Variants in SEPSECS observed in about 807,000 individuals in gnomAD.
SEPSECS encodes the protein Sep (O-phosphoserine) tRNA:Sec (selenocysteine) tRNA synthase, also known as O-phosphoseryl-tRNA(Sec) selenium transferase.
SEPSECS carries 42 observed loss-of-function variants against 52.1 expected under a neutral mutation model. That is an observed-to-expected ratio of 0.81 (90% CI 0.63 to 1.04). The LOEUF is 1.04. SEPSECS is among the 50% of genes least tolerant of loss of function. The pLI is 0.00. For synonymous variants in SEPSECS, 216 were observed against 211.4 expected (o/e 1.02, Z -0.19); for missense variants, 590 against 610.6 (o/e 0.97, Z 0.36).
chr4:25,154,950 T>C, intron 5 of SEPSECS, 48 bp downstream of exon 5: 1 of 1,578,738 alleles, frequency 6.3e-7, no homozygotes, highest in South Asian at 1.1e-5. Context: ...TATATTTTAT[T>C]TAAAAGACTG....
At chr4:25,125,356 G>A (rs55768841) in intron 10 of SEPSECS, 21,584 of 218,180 alleles carry the variant, frequency 0.099, 1,351 homozygotes, top group South Asian at 0.19. Flanking sequence ...TAGTGATGAA[G>A]ATGGCTTATC....
At chr4:25,143,827 T>TTAAGTGC (rs1711770022) in intron 8 of SEPSECS, among the ~76,000 whole-genome samples, 1 of 152,186 alleles carries the variant, frequency 6.6e-6, no homozygotes, top group Non-Finnish European at 1.5e-5. Context: ...ACAATTGTTG[T>TTAAGTGC]TAAGTGCTAG....
intron 8 of SEPSECS, among the ~76,000 whole-genome samples, chr4:25,134,716 ATAT>A (rs1728765270): frequency 6.6e-6 from 1 of 152,238 alleles, no homozygotes; most frequent in Non-Finnish European, 1.5e-5. Flanking sequence ...TAAATATGGC[ATAT>A]TATTATTTTT....
Position 25,151,483 on chromosome 4 carries a change from G to C in SEPSECS, c.804+477C>G, listed in dbSNP as rs12506518. On this transcript the variant is annotated intron_variant, in intron 6 of 10. Transcript: ENST00000382103. Reference sequence around the variant, plus strand: ...AAACAAAGACATATTTTCAAAATTAGAACCTAAAACAAATGACCAGGATCT... The same window carrying C: ...AAACAAAGACATATTTTCAAAATTACAACCTAAAACAAATGACCAGGATCT... Among the ~76,000 whole-genome samples, 1,727 of 152,050 alleles carry C rather than the reference G, an allele frequency of 0.011. 74 individuals are homozygous for C. The East Asian group carries it at 0.12, about 10-fold the overall frequency.
At chr4:25,150,318 T>C (rs1410229061) in intron 6 of SEPSECS, among the ~76,000 whole-genome samples, 1 of 152,328 alleles carries the variant, frequency 6.6e-6, no homozygotes, top group East Asian at 1.9e-4. Flanking sequence ...ATGTAGTCCA[T>C]ACCATACATG....
At chr4:25,126,391 G>GA (rs1728372473) in intron 9 of SEPSECS, among the ~76,000 whole-genome samples, 1 of 152,074 alleles carries the variant, frequency 6.6e-6, no homozygotes, top group Non-Finnish European at 1.5e-5. Context: ...CATCTACATA[G>GA]ATCATAAATC....
upstream of SEPSECS, chr4:25,160,466 G>A: frequency 6.1e-6 from 6 of 987,628 alleles, no homozygotes; most frequent in South Asian, 9.1e-5. Flanking sequence ...TGGACGGTAC[G>A]GCAGCGCCTT....
At chr4:25,150,492 A>G (rs138452626) in intron 6 of SEPSECS, among the ~76,000 whole-genome samples, 54 of 152,328 alleles carry the variant, frequency 3.5e-4, no homozygotes, top group Non-Finnish European at 4.3e-4. Context: ...AACAAACATT[A>G]TATCAAATGG....
chr4:25,152,478 T>C lies in SEPSECS; in HGVS notation c.702-416A>G, dbSNP rs972101127. ...CAAAATAATTAGCATATCTGGAATC[T>C]TAAGAAATCTCACATTAAACATCTC... On this transcript the variant is annotated intron_variant, in intron 5 of 10. Transcript: ENST00000382103. Among the ~76,000 whole-genome samples, 10 of 151,992 alleles carry C rather than the reference T, an allele frequency of 6.6e-5. No homozygotes were observed. The South Asian group carries it at 1.2e-3, about 19-fold the overall frequency.
intron 8 of SEPSECS, among the ~76,000 whole-genome samples, chr4:25,141,668 G>A (rs1412281416): frequency 6.6e-6 from 1 of 152,166 alleles, no homozygotes; most frequent in Admixed American, 6.6e-5. Context: ...TATTATCAAT[G>A]TGAGCATTCA....
At chr4:25,139,386 T>TC (rs1728968767) in intron 8 of SEPSECS, among the ~76,000 whole-genome samples, 1 of 138,898 alleles carries the variant, frequency 7.2e-6, no homozygotes, top group Non-Finnish European at 1.6e-5. Flanking sequence ...AGTTGTGTCT[T>TC]TTTTTTTTTT....
rs547017555 is a variant in SEPSECS at position 25,146,051 on chromosome 4, T to C, written c.805-918A>G. Among the ~76,000 whole-genome samples the C allele has an allele frequency of 5.3e-5, 8 of 152,312 alleles. No homozygotes were observed. The South Asian group carries it at 1.7e-3, about 32-fold the overall frequency. The stretch of plus-strand genomic sequence containing the variant: ...TACCTACTAGAAATGTAAAACTAAG[T>C]TCGGTCCTCATCCAACTTTCTGTCT... On this transcript the variant is annotated intron_variant, in intron 6 of 10. Transcript: ENST00000382103.
At position 25,124,243 on chromosome 4, in the gene SEPSECS, T is replaced by C; in HGVS notation, c.1212-18A>G. On this transcript the variant is annotated intron_variant, in intron 10 of 10. Coordinates refer to ENST00000382103, the MANE Select transcript of SEPSECS (RefSeq NM_016955.4). ...GCACAACCCTGAAAGAAGAAAGATT[T>C]ACCAATTTAATATGTCTGGTAATGG... 4 of 1,610,734 alleles carry C rather than the reference T, an allele frequency of 2.5e-6. No homozygotes were observed. Among genetic ancestry groups the C allele is most frequent in the Non-Finnish European group, 3.4e-6 (4 of 1,178,276 alleles).
intron 6 of SEPSECS, among the ~76,000 whole-genome samples, chr4:25,145,533 G>A (rs1308664128): frequency 6.6e-6 from 1 of 152,166 alleles, no homozygotes; most frequent in East Asian, 1.9e-4. Flanking sequence ...AACTCTGTGA[G>A]GCAAGCACGG....
In SEPSECS at chr4:25,121,363, A is replaced by C. The variant is rs1281639374; in HGVS notation, c.*2568T>G. The C allele has an allele frequency of 6.6e-6, 1 of 152,160 alleles. No individual in the cohort carries two copies. Among genetic ancestry groups the C allele is most frequent in the Non-Finnish European group, 1.5e-5 (1 of 67,996 alleles). 9.4% of individuals were successfully genotyped at this position (152,160 alleles called of 1,614,324 possible). ...CACTGCCACAGCCCAATGACTTTAA[A>C]AACCTAACTCCAATATTTTACCTGA... On this transcript the variant is annotated 3_prime_UTR_variant, in exon 11 of 11. Coordinates refer to ENST00000382103, the MANE Select transcript of SEPSECS (RefSeq NM_016955.4).
intron 6 of SEPSECS, among the ~76,000 whole-genome samples, chr4:25,146,930 T>C (rs1711997901): frequency 6.6e-6 from 1 of 152,154 alleles, no homozygotes; most frequent in South Asian, 2.1e-4. Flanking sequence ...ACATAGCATG[T>C]CACTCTTTCC....
At position 25,155,096 on chromosome 4, in the gene SEPSECS, G is replaced by T; in HGVS notation, c.603C>A (p.Asp201Glu). The T allele has an allele frequency of 6.2e-7, 1 of 1,614,084 alleles. No homozygotes were observed. Among genetic ancestry groups the T allele is most frequent in the Non-Finnish European group, 8.5e-7 (1 of 1,179,970 alleles). ...NVLEGDELRT[D>E]LKAVEAKVQE... is the part of the protein sequence containing the mutation. ...GGACTTTAGCCTCCACTGCTTTCAG[G>T]TCTGTACGCAGCTCGTCACCTTCCA... is the stretch of plus-strand genomic sequence containing the variant. Residue 201 changes from aspartate to glutamate, a missense_variant, in exon 5 of 11, where the codon GAC (aspartate) becomes GAA (glutamate). Asp to Glu is a conservative substitution (Grantham distance 45). Coordinates refer to ENST00000382103, the MANE Select transcript of SEPSECS (RefSeq NM_016955.4).
intron 5 of SEPSECS, among the ~76,000 whole-genome samples, chr4:25,153,019 C>T (rs1284388056): frequency 6.6e-6 from 1 of 151,880 alleles, no homozygotes; most frequent in Non-Finnish European, 1.5e-5. Flanking sequence ...ATATTTTTAA[C>T]TGTAAGTAGG....
chr4:25,157,331 T>G (rs1712729434), intron 2 of SEPSECS, among the ~76,000 whole-genome samples: 1 of 152,106 alleles, frequency 6.6e-6, no homozygotes, highest in Non-Finnish European at 1.5e-5. Flanking sequence ...TGTGTGAAAT[T>G]TTCATGCTAG....
Sources: gnomAD v4.1 joint callset for allele counts (sites outside exome capture counted in the v4.1 genomes callset) on GRCh38, gnomAD v4.1.1 for gene constraint, MANE v1.5 for transcripts, NCBI Gene and HGNC (gene_info 2026-07-23, HGNC 2026-07-21) for gene names.